Variants in PXDC1 observed in about 807,000 individuals in gnomAD.
PXDC1 encodes PX domain containing 1.
A neutral mutation model predicts 24.4 loss-of-function variants in PXDC1; 13 were observed. The ratio of observed to expected loss-of-function variants is 0.53; its 90% CI spans 0.35 to 0.85. PXDC1 has a LOEUF of 0.85. Ranked by LOEUF, PXDC1 falls within the 40% of genes least tolerant of loss-of-function variation. PXDC1 has a pLI of 0.01. For missense variants in PXDC1, 344 were observed against 309.3 expected, an observed-to-expected ratio of 1.11 and a Z score of -0.84; for synonymous variants, 162 against 124.9, an observed-to-expected ratio of 1.30 and a Z score of -1.98.
chr6:3,739,694 G>T (rs568808834), intron 1 of PXDC1, among the ~76,000 whole-genome samples: 1 of 152,270 alleles, frequency 6.6e-6, no homozygotes, highest in Non-Finnish European at 1.5e-5. Flanking sequence ...CAAGCAGGGT[G>T]GAGAAGGAAG....
Position 3,722,642 on chromosome 6 carries a change from T to C in PXDC1, c.*977A>G, listed in dbSNP as rs769888083. On this transcript the variant is annotated 3_prime_UTR_variant, in exon 5 of 5. Coordinates refer to ENST00000380283, the MANE Select transcript of PXDC1 (RefSeq NM_183373.4). ...AGTAGAGTCATAGATTTTATTTAATTAAAATAGATTAAAAACAGACTGTGT... is the reference window on the plus strand; with the variant it reads ...AGTAGAGTCATAGATTTTATTTAATCAAAATAGATTAAAAACAGACTGTGT... The C allele has an allele frequency of 2.0e-5, 3 of 152,636 alleles. No homozygotes were observed. The highest frequency in any genetic ancestry group is 4.4e-5 in the Non-Finnish European group (3 of 68,048). 9.5% of individuals were successfully genotyped at this position (152,636 alleles called of 1,614,324 possible).
chr6:3,749,589 GGATGCAACTGAAACCAC>G lies in PXDC1; in HGVS notation c.256+1670_256+1686del, dbSNP rs557240892. Reference sequence around the variant, plus strand: ...CCAGGTGAGGTATTTCCACCAGCGTGGATGCAACTGAAACCACGCCCTCTTTCCACCGTCTGGCCCAA... The same window carrying G: ...CCAGGTGAGGTATTTCCACCAGCGTGGCCCTCTTTCCACCGTCTGGCCCAA... On this transcript the variant is annotated intron_variant, in intron 1 of 4. Transcript: ENST00000380283. Among the ~76,000 whole-genome samples the G allele has an allele frequency of 4.2e-4, 63 of 151,588 alleles. No homozygotes were observed. In the South Asian group the frequency reaches 0.012, roughly 30 times the overall value.
At chr6:3,731,934 G>A (rs900257362) in intron 3 of PXDC1, among the ~76,000 whole-genome samples, 11 of 152,266 alleles carry the variant, frequency 7.2e-5, no homozygotes, top group Non-Finnish European at 1.5e-4. Context: ...TGCTGAGGCT[G>A]CTGTGGAGTG....
chr6:3,727,596 G>C lies in PXDC1; in HGVS notation c.533C>G (p.Pro178Arg), dbSNP rs369254887. ...TETIVIDHSI[P>R]NGRDQQLGVD... ...GCCCAGCTGCTGGTCTCTTCCATTT[G>C]GTATACTGTGGTCAATAACTATTGT... Residue 178 changes from proline to arginine, a missense_variant, in exon 4 of 5, where the codon CCA (proline) becomes CGA (arginine). Physicochemically the swap from Pro to Arg is moderately radical, Grantham distance 103. Transcript: ENST00000380283. 6.2e-7 allele frequency: 1 copy of C among 1,613,376 alleles called. No homozygotes were observed. The highest frequency in any genetic ancestry group is 1.3e-5 in the African/African-American group (1 of 74,904).
intron 3 of PXDC1, among the ~76,000 whole-genome samples, chr6:3,733,411 T>G (rs1581244465): frequency 6.6e-6 from 1 of 152,180 alleles, no homozygotes; most frequent in Non-Finnish European, 1.5e-5. Flanking sequence ...AAAACACTCC[T>G]GAAGGGAGGT....
At chr6:3,745,238 G>A (rs9378817) in intron 1 of PXDC1, among the ~76,000 whole-genome samples, 70,112 of 152,092 alleles carry the variant, frequency 0.46, 17,509 homozygotes, top group Non-Finnish European at 0.56. Context: ...ACATGAGTGG[G>A]CCAGTCCTGC....
intron 1 of PXDC1, chr6:3,739,201 C>G (rs987436243): frequency 1.9e-6 from 2 of 1,048,166 alleles, no homozygotes; most frequent in African/African-American, 1.7e-5. Context: ...AACTTCCTGA[C>G]TGAAATTAAG....
At chr6:3,733,533 T>A (rs1386339737) in intron 3 of PXDC1, among the ~76,000 whole-genome samples, 1 of 151,846 alleles carries the variant, frequency 6.6e-6, no homozygotes, top group Non-Finnish European at 1.5e-5. Flanking sequence ...GGAACAGAGA[T>A]CGGAAGGTCT....
rs373233661 is a variant in PXDC1, at chr6:3,738,152, G to C, written c.257-4C>G. Reference sequence around the variant, plus strand: ...GCTTCCTTTATGGCAACCAGTCCTAGAATTGAGACAGAAATGCTCAAAGTC... The same window carrying C: ...GCTTCCTTTATGGCAACCAGTCCTACAATTGAGACAGAAATGCTCAAAGTC... On this transcript the variant is annotated splice_region_variant and splice_polypyrimidine_tract_variant and intron_variant, in intron 1 of 4. Coordinates refer to ENST00000380283, the MANE Select transcript of PXDC1 (RefSeq NM_183373.4). 1 of 1,611,224 alleles carries C rather than the reference G, an allele frequency of 6.2e-7. No homozygotes were observed. Among genetic ancestry groups the C allele is most frequent in the Non-Finnish European group, 8.5e-7 (1 of 1,177,402 alleles).
chr6:3,727,227 A>T (rs147918669), intron 4 of PXDC1, among the ~76,000 whole-genome samples: 1 of 152,346 alleles, frequency 6.6e-6, no homozygotes, highest in Non-Finnish European at 1.5e-5. Context: ...GGGAATCAGG[A>T]CCATTGAGTG....
chr6:3,740,334 T>C (rs1481092781), intron 1 of PXDC1, among the ~76,000 whole-genome samples: 1 of 152,234 alleles, frequency 6.6e-6, no homozygotes, highest in Non-Finnish European at 1.5e-5. Context: ...GATCTCCTTT[T>C]AGTATGGCCA....
chr6:3,741,806 G>A (rs992366394), intron 1 of PXDC1, among the ~76,000 whole-genome samples: 1 of 152,160 alleles, frequency 6.6e-6, no homozygotes, highest in Non-Finnish European at 1.5e-5. Context: ...CAGACAGCCT[G>A]GCCTTCCTAA....
At chr6:3,727,024 G>A (rs1468248553) in intron 4 of PXDC1, among the ~76,000 whole-genome samples, 1 of 152,242 alleles carries the variant, frequency 6.6e-6, no homozygotes, top group Non-Finnish European at 1.5e-5. Context: ...GAAGATGCCT[G>A]GAGGAGAGCC....
chr6:3,728,622 C>T lies in PXDC1; in HGVS notation c.467-960G>A, dbSNP rs1760124999. ...TGGAATGGAGGATGAGGAGCCAGGA[C>T]AACGAGCTCCATGGCCTTGGGACTC... On this transcript the variant is annotated intron_variant, in intron 3 of 4. Coordinates refer to ENST00000380283, the MANE Select transcript of PXDC1 (RefSeq NM_183373.4). The surrounding 1 kb of genome is among the most constrained non-coding windows in gnomAD (Gnocchi z 4.0). 6.6e-6 allele frequency among the ~76,000 whole-genome samples: 1 copy of T among 152,172 alleles called. No homozygotes were observed. Among genetic ancestry groups the T allele is most frequent in the African/African-American group, 2.4e-5 (1 of 41,436 alleles).
chr6:3,746,583 T>C (rs576904907), intron 1 of PXDC1, among the ~76,000 whole-genome samples: 2 of 152,184 alleles, frequency 1.3e-5, no homozygotes, highest in East Asian at 3.9e-4. Flanking sequence ...GGTGGAGCTA[T>C]GGTTGAAGGC....
chr6:3,745,444 A>G (rs2127602223), intron 1 of PXDC1, among the ~76,000 whole-genome samples: 1 of 152,326 alleles, frequency 6.6e-6, no homozygotes, highest in East Asian at 1.9e-4. Context: ...TGCGGATATT[A>G]TTACTGCTAT....
rs998463970 is a variant in PXDC1, at chr6:3,725,177, C to G, written c.579-1441G>C. Among the ~76,000 whole-genome samples, 1 of 152,168 alleles carries G rather than the reference C, an allele frequency of 6.6e-6. No homozygotes were observed. Among genetic ancestry groups the G allele is most frequent in the Non-Finnish European group, 1.5e-5 (1 of 68,034 alleles). ...CCTTGGGCGTGCCGAAAGGTTCAAG[C>G]CAGTCGAGGGACAGAGCCACAGCGC... is the stretch of plus-strand genomic sequence containing the variant. On this transcript the variant is annotated intron_variant, in intron 4 of 4. Coordinates refer to ENST00000380283, the MANE Select transcript of PXDC1 (RefSeq NM_183373.4). This position sits in a 1 kb window ranked among gnomAD's most constrained non-coding sequence, Gnocchi z 4.8.
At chr6:3,751,081 G>A in intron 1 of PXDC1, 195 bp downstream of exon 1, 1 of 499,560 alleles carries the variant, frequency 2.0e-6, no homozygotes, top group Non-Finnish European at 3.4e-6. Context: ...CCCCAGGCTG[G>A]GCAGGCTGGC....
Position 3,751,597 on chromosome 6 carries a change from C to A in PXDC1, c.-66G>T. On this transcript the variant is annotated 5_prime_UTR_variant, in exon 1 of 5. Coordinates refer to ENST00000380283, the MANE Select transcript of PXDC1 (RefSeq NM_183373.4). Reference sequence around the variant, plus strand: ...GCCCGCCCGCCCGCAGGAGGCGCGCCCCGGCCGGGGTCGTCCCGGGTCTGT... The same window carrying A: ...GCCCGCCCGCCCGCAGGAGGCGCGCACCGGCCGGGGTCGTCCCGGGTCTGT... 7.0e-7 allele frequency: 1 copy of A among 1,430,950 alleles called. No homozygotes were observed. The allele number at this position is 1,430,950 out of a possible 1,614,324, so 88.6% of individuals were successfully genotyped here.
Sources: allele counts gnomAD v4.1 joint callset (sites outside exome capture counted in the v4.1 genomes callset), GRCh38; gene constraint gnomAD v4.1.1; non-coding constraint Gnocchi (gnomAD v3.1); transcripts MANE v1.5; gene names NCBI Gene and HGNC (gene_info 2026-07-23, HGNC 2026-07-21).